The following NCAN variants were observed in gnomAD, a reference collection of about 807,000 sequenced individuals.
NCAN encodes neurocan.
A neutral mutation model predicts 121.8 loss-of-function variants in NCAN; 47 were observed. That is an observed-to-expected ratio of 0.39 (90% CI 0.31 to 0.49). NCAN has a LOEUF of 0.49. Ranked by LOEUF, NCAN falls within the 20% of genes least tolerant of loss-of-function variation. The pLI, the probability that NCAN is intolerant of heterozygous loss-of-function variation, is 0.92. For synonymous variants in NCAN, 633 were observed against 702.0 expected, an observed-to-expected ratio of 0.90 and a Z score of 1.55; for missense variants, 1,517 against 1,773.4, an observed-to-expected ratio of 0.86 and a Z score of 2.60.
intron 10 of NCAN, among the ~76,000 whole-genome samples, chr19:19,235,929 T>C (rs2060879557): frequency 6.6e-6 from 1 of 152,148 alleles, no homozygotes; most frequent in South Asian, 2.1e-4. Flanking sequence ...GTATTTTTTG[T>C]AGAGACAAGG....
intron 8 of NCAN, 37 bp from the exon 9 acceptor site, chr19:19,233,752 G>T (rs1317266940): frequency 1.5e-6 from 2 of 1,349,380 alleles, no homozygotes; most frequent in East Asian, 2.3e-5. Flanking sequence ...AAGATCTGTG[G>T]CCTGACTCTT....
intron 12 of NCAN, among the ~76,000 whole-genome samples, chr19:19,240,927 C>G (rs1162541564): frequency 6.6e-6 from 1 of 152,192 alleles, no homozygotes; most frequent in Non-Finnish European, 1.5e-5. Flanking sequence ...AGACTAGGGT[C>G]TGATGCCTCC....
rs999633453 is a variant in NCAN, at chr19:19,227,023, G to A, written c.1610G>A (p.Ser537Asn). Reference sequence around the variant, plus strand: ...ACAGAGATGTTGGGCAGTGGCCAGAGCCGGAGCCCCTGGGCTGATCTGACC... The same window carrying A: ...ACAGAGATGTTGGGCAGTGGCCAGAACCGGAGCCCCTGGGCTGATCTGACC... ...AVTEMLGSGQ[S>N]RSPWADLTNE... is the part of the protein sequence containing the mutation. Residue 537 changes from serine to asparagine, a missense_variant, in exon 7 of 15, where the codon AGC (serine) becomes AAC (asparagine). Transcript: ENST00000252575. The surrounding 1 kb of genome is among the most constrained non-coding windows in gnomAD (Gnocchi z 4.2). The A allele has an allele frequency of 6.6e-7, 1 of 1,522,992 alleles. No individual in the cohort carries two copies. The highest frequency in any genetic ancestry group is 8.8e-7 in the Non-Finnish European group (1 of 1,136,720). 94.3% of individuals were successfully genotyped at this position (1,522,992 alleles called of 1,614,324 possible).
rs2060840666 is a variant in NCAN at position 19,227,191 on chromosome 19, G to A, written c.1661-90G>A. On this transcript the variant is annotated intron_variant, in intron 7 of 14. Transcript: ENST00000252575. The surrounding 1 kb of genome is among the most constrained non-coding windows in gnomAD (Gnocchi z 4.2). ...CTCCAAATCCCAGCTGGGTCCTCTG[G>A]CCCCAGAAGCCCCCTCTCCCTTGGG... The A allele has an allele frequency of 7.4e-6, 11 of 1,493,914 alleles. No homozygotes were observed. In the East Asian group the frequency reaches 2.1e-4, roughly 28 times the overall value. 92.5% of individuals were successfully genotyped at this position (1,493,914 alleles called of 1,614,324 possible).
At chr19:19,219,393 C>T (rs1427376297) in intron 3 of NCAN, 77 bp downstream of exon 3, 8 of 1,371,650 alleles carry the variant, frequency 5.8e-6, no homozygotes, top group Admixed American at 2.7e-5. Flanking sequence ...CTGAATGTCA[C>T]CTTAGAAATC....
chr19:19,237,504 TTA>T (rs972938683), intron 10 of NCAN, among the ~76,000 whole-genome samples: 7 of 150,678 alleles, frequency 4.6e-5, no homozygotes, highest in Admixed American at 2.0e-4. Flanking sequence ...AAAAAAAATT[TTA>T]TATATATATA....
At position 19,215,453 on chromosome 19, in the gene NCAN, G is replaced by A. The variant is rs191489082; in HGVS notation, c.-7-1494G>A. Among the ~76,000 whole-genome samples, 215 of 152,264 alleles carry A rather than the reference G, an allele frequency of 1.4e-3. 1 individual carries two copies. Among genetic ancestry groups the A allele is most frequent in the African/African-American group, 4.0e-3 (167 of 41,556 alleles). ...AGGAAATGCACTGCTGTGTCCCAAC[G>A]ACTGGCATGGGCTTTGCTCACAGTA... On this transcript the variant is annotated intron_variant, in intron 1 of 14. Coordinates refer to ENST00000252575, the MANE Select transcript of NCAN (RefSeq NM_004386.3).
chr19:19,236,307 A>T (rs912446473), intron 10 of NCAN, among the ~76,000 whole-genome samples: 2 of 152,120 alleles, frequency 1.3e-5, no homozygotes, highest in African/African-American at 4.8e-5. Flanking sequence ...TTCACTTGGC[A>T]TGTTTTCAAG....
intron 11 of NCAN, among the ~76,000 whole-genome samples, chr19:19,240,283 CCTT>C (rs1233831878): frequency 6.6e-6 from 1 of 151,702 alleles, no homozygotes; most frequent in Non-Finnish European, 1.5e-5. Context: ...ACTTCTATCT[CCTT>C]CCCTCTCCAC....
chr19:19,246,672 T>C (rs1261334743), intron 13 of NCAN, among the ~76,000 whole-genome samples: 1 of 152,058 alleles, frequency 6.6e-6, no homozygotes, highest in Non-Finnish European at 1.5e-5. Flanking sequence ...TAGCTGGGAT[T>C]ACAGGCACAC....
chr19:19,224,291 C>T lies in NCAN; in HGVS notation c.651-15C>T, dbSNP rs776977677. The T allele has an allele frequency of 4.6e-5, 74 of 1,610,420 alleles. No homozygotes were observed. Among genetic ancestry groups the T allele is most frequent in the Non-Finnish European group, 6.1e-5 (72 of 1,177,342 alleles). Reference sequence around the variant, plus strand: ...GAGCACACATCTGAGAGGGACCCTCCCCTTGTGTTGTCAGGTATCCTATCA... The same window carrying T: ...GAGCACACATCTGAGAGGGACCCTCTCCTTGTGTTGTCAGGTATCCTATCA... On this transcript the variant is annotated splice_polypyrimidine_tract_variant and intron_variant, in intron 4 of 14. Coordinates refer to ENST00000252575, the MANE Select transcript of NCAN (RefSeq NM_004386.3).
chr19:19,228,610 G>C lies in NCAN; in HGVS notation c.2990G>C (p.Gly997Ala). ...VASGEEPALP[G>A]TPMNAGAEEV... ...AGTGGAGAGGAGCCAGCCCTGCCAG[G>C]GACCCCTATGAATGCAGGTGCGGAG... Residue 997 changes from glycine to alanine, a missense_variant, in exon 8 of 15, where the codon GGG becomes GCG. Coordinates refer to ENST00000252575, the MANE Select transcript of NCAN (RefSeq NM_004386.3). 1 of 1,612,146 alleles carries C rather than the reference G, an allele frequency of 6.2e-7. No homozygotes were observed.
At position 19,237,440 on chromosome 19, in the gene NCAN, G is replaced by T. The variant is rs377465599; in HGVS notation, c.3251-813G>T. 1.8e-3 allele frequency among the ~76,000 whole-genome samples: 278 copies of T among 150,888 alleles called. 3 individuals are homozygous for T. The South Asian group carries it at 0.025, about 13-fold the overall frequency. On this transcript the variant is annotated intron_variant, in intron 10 of 14. Coordinates refer to ENST00000252575, the MANE Select transcript of NCAN (RefSeq NM_004386.3). ...GGAGGTGGTGTCTACAGTGAGCCAA[G>T]ATCGCACCATTACACTCCAGCCTGG...
Position 19,245,296 on chromosome 19 carries a change from GC to G in NCAN, c.3493-12del. 1.9e-6 allele frequency: 3 copies of G among 1,613,346 alleles called. No individual in the cohort carries two copies. Among genetic ancestry groups the G allele is most frequent in the Non-Finnish European group, 2.5e-6 (3 of 1,179,558 alleles). ...ACAGAGGTCCCCTGAACAACTCCCT[GC>G]CCCCTATTCCTGCAGCAATTTGAGA... On this transcript the variant is annotated splice_polypyrimidine_tract_variant and intron_variant, in intron 12 of 14. Coordinates refer to ENST00000252575, the MANE Select transcript of NCAN (RefSeq NM_004386.3).
intron 13 of NCAN, among the ~76,000 whole-genome samples, chr19:19,246,579 G>A (rs1315333008): frequency 2.0e-5 from 3 of 152,104 alleles, no homozygotes; most frequent in Admixed American, 6.6e-5. Flanking sequence ...TGTCATCCAA[G>A]CTGGAGTGCA....
intron 3 of NCAN, among the ~76,000 whole-genome samples, chr19:19,220,458 T>TTTTTC (rs1452964345): frequency 7.7e-6 from 1 of 130,134 alleles, no homozygotes; most frequent in African/African-American, 3.0e-5. Context: ...TTCTTTTTTT[T>TTTTTC]TTTTTTTTTT....
In NCAN at chr19:19,228,318, G is replaced by A. The variant is rs1397789036; in HGVS notation, c.2698G>A (p.Glu900Lys). Reference protein sequence around the residue: ...LGSSSSQPHPEPEDQVETQGT... With the variant: ...LGSSSSQPHPKPEDQVETQGT... ...CTCCTCAAGCTCCCAACCCCACCCAGAGCCAGAGGATCAGGTGGAGACCCA... is the reference window on the plus strand; with the variant it reads ...CTCCTCAAGCTCCCAACCCCACCCAAAGCCAGAGGATCAGGTGGAGACCCA... Residue 900 changes from glutamate to lysine, a missense_variant, in exon 8 of 15, where the codon GAG (glutamate) becomes AAG (lysine). Physicochemically the swap from Glu to Lys is moderately conservative, Grantham distance 56. Coordinates refer to ENST00000252575, the MANE Select transcript of NCAN (RefSeq NM_004386.3). The A allele has an allele frequency of 2.5e-6, 4 of 1,613,862 alleles. No individual in the cohort carries two copies. In the East Asian group the frequency reaches 8.9e-5, roughly 36 times the overall value.
At chr19:19,233,552 G>A (rs991125588) in intron 8 of NCAN, among the ~76,000 whole-genome samples, 1 of 152,166 alleles carries the variant, frequency 6.6e-6, no homozygotes, top group Non-Finnish European at 1.5e-5. Context: ...GTCTGAGGAA[G>A]GACTTTGCTA....
Position 19,225,237 on chromosome 19 carries a change from C to T in NCAN, c.1039C>T (p.Pro347Ser). The change falls in exon 6 of 15, where the codon CCC becomes TCC. Residue 347 changes from proline (P) to serine (S), a missense_variant. Transcript: ENST00000252575. This position sits in a 1 kb window ranked among gnomAD's most constrained non-coding sequence, Gnocchi z 4.0. ...RFANRTGFPS[P>S]AERFDAYCFR... is the part of the protein sequence containing the mutation. ...CGCTAACCGGACCGGCTTCCCCTCA[C>T]CCGCCGAGCGCTTCGACGCCTACTG... 6.4e-7 allele frequency: 1 copy of T among 1,564,570 alleles called. No individual in the cohort carries two copies. The highest frequency in any genetic ancestry group is 8.6e-7 in the Non-Finnish European group (1 of 1,166,254).
Sources: gnomAD v4.1 joint callset for allele counts (sites outside exome capture counted in the v4.1 genomes callset) on GRCh38, gnomAD v4.1.1 for gene constraint, Gnocchi (gnomAD v3.1) non-coding constraint, MANE v1.5 for transcripts, NCBI Gene and HGNC (gene_info 2026-07-23, HGNC 2026-07-21) for gene names.